The following PECAM1 variants were observed in gnomAD, a reference collection of about 807,000 sequenced individuals.
PECAM1 encodes platelet endothelial cell adhesion molecule.
PECAM1 carries 8 observed loss-of-function variants against 13.8 expected under a neutral mutation model. The observed-to-expected ratio is 0.58, with a 90% CI of 0.34 to 1.05. PECAM1 has a LOEUF of 1.05. PECAM1 is among the 50% of genes least tolerant of loss of function. PECAM1 has a pLI of 0.03. For missense variants in PECAM1, 304 were observed against 141.2 expected, an observed-to-expected ratio of 2.15 and a Z score of -5.84; for synonymous variants, 136 against 52.6, an observed-to-expected ratio of 2.58 and a Z score of -6.86.
chr17:64,338,850 C>A (rs974746448), intron 14 of PECAM1, among the ~76,000 whole-genome samples: 1 of 152,176 alleles, frequency 6.6e-6, no homozygotes, highest in Non-Finnish European at 1.5e-5. Context: ...TGAGCCACTG[C>A]GATCAGCCTA....
intron 15 of PECAM1, among the ~76,000 whole-genome samples, chr17:64,324,949 G>A (rs2034904877): frequency 6.6e-6 from 1 of 152,184 alleles, no homozygotes; most frequent in Non-Finnish European, 1.5e-5. Context: ...CCATTCTTTT[G>A]TTTCTTTACT....
chr17:64,325,540 A>G (rs551716229), intron 15 of PECAM1, among the ~76,000 whole-genome samples: 2 of 152,374 alleles, frequency 1.3e-5, no homozygotes, highest in South Asian at 4.1e-4. Flanking sequence ...GTTCCAGAAC[A>G]GCCTGGGCAA....
chr17:64,334,077 C>T lies in PECAM1; in HGVS notation c.2165-4355G>A, dbSNP rs990718008. On this transcript the variant is annotated intron_variant, in intron 14 of 15. Transcript: ENST00000563924. Reference sequence around the variant, plus strand: ...TGCCAGTGCTGTGTCCATCCCCTAACGTGGGGAGGCAGCTGAGTGGAAGGC... The same window carrying T: ...TGCCAGTGCTGTGTCCATCCCCTAATGTGGGGAGGCAGCTGAGTGGAAGGC... 2.5e-3 allele frequency among the ~76,000 whole-genome samples: 363 copies of T among 147,036 alleles called. 3 individuals carry two copies. The highest frequency in any genetic ancestry group is 4.3e-3 in the Non-Finnish European group (287 of 67,178).
intron 15 of PECAM1, 154 bp from the exon 16 acceptor site, chr17:64,323,999 T>A: frequency 1.2e-6 from 1 of 845,992 alleles, no homozygotes; most frequent in South Asian, 1.3e-5. Context: ...GTTCTCTCTG[T>A]GACTTCAGAG....
intron 6 of PECAM1, among the ~76,000 whole-genome samples, chr17:64,362,512 C>T (rs987222849): frequency 2.0e-5 from 3 of 152,000 alleles, no homozygotes; most frequent in Middle Eastern, 3.4e-3. Flanking sequence ...ATTATCCGGG[C>T]GTGGTTGCGG....
intron 5 of PECAM1, among the ~76,000 whole-genome samples, chr17:64,364,852 C>A (rs1223596971): frequency 4.0e-5 from 6 of 149,888 alleles, no homozygotes; most frequent in African/African-American, 1.5e-4. Flanking sequence ...ATGACAAACC[C>A]ACAGCCAATA....
intron 5 of PECAM1, among the ~76,000 whole-genome samples, chr17:64,365,189 G>A (rs2036075845): frequency 6.6e-6 from 1 of 150,782 alleles, no homozygotes; most frequent in Admixed American, 6.6e-5. Context: ...CAGACAAACA[G>A]AGAGCCAAAT....
intron 11 of PECAM1, among the ~76,000 whole-genome samples, chr17:64,351,452 CAG>C (rs1477963589): frequency 6.6e-6 from 1 of 152,218 alleles, no homozygotes; most frequent in South Asian, 2.1e-4. Context: ...TGGCTGGGCT[CAG>C]GGGCTCACAC....
Position 64,355,027 on chromosome 17 carries a change from T to C in PECAM1, c.1794A>G (p.Pro598=). The change falls in exon 9 of 16, where the codon CCA becomes CCG. Residue 598 remains proline, a synonymous_variant. Coordinates refer to ENST00000563924, the MANE Select transcript of PECAM1 (RefSeq NM_000442.5). ...KILTVRVILA[P]WKKGLIAVVI... The stretch of plus-strand genomic sequence containing the variant: ...CCACTGCAATAAGTCCTTTCTTCCA[T>C]GGGGCAAGAATGACTGAAAACAAAA... 2.1e-6 allele frequency: 1 copy of C among 475,372 alleles called. No individual in the cohort carries two copies. The allele number at this position is 475,372 out of a possible 1,614,324, so 29.4% of individuals were successfully genotyped here.
At chr17:64,349,626 C>G (rs2143769034) in intron 12 of PECAM1, among the ~76,000 whole-genome samples, 1 of 146,302 alleles carries the variant, frequency 6.8e-6, no homozygotes, top group East Asian at 2.1e-4. Flanking sequence ...GTGGCTCGCG[C>G]CTGTAATTCT....
chr17:64,336,656 G>GCACTTTGGGA (rs2035283448), intron 14 of PECAM1, among the ~76,000 whole-genome samples: 1 of 151,966 alleles, frequency 6.6e-6, no homozygotes, highest in Non-Finnish European at 1.5e-5. Flanking sequence ...AGGCCAAGGC[G>GCACTTTGGGA]GGCAGATCAC....
intron 14 of PECAM1, 40 bp downstream of exon 14, chr17:64,341,594 G>A (rs1188205769): frequency 1.4e-5 from 6 of 432,146 alleles, no homozygotes; most frequent in Non-Finnish European, 2.5e-5. Context: ...TGATTCTAGG[G>A]GGCATCCCCC....
chr17:64,321,355 C>T lies in PECAM1; in HGVS notation c.*2461G>A, dbSNP rs2034808108. On this transcript the variant is annotated 3_prime_UTR_variant, in exon 16 of 16. Coordinates refer to ENST00000563924, the MANE Select transcript of PECAM1 (RefSeq NM_000442.5). ...TGCCGAGGAAGGCTAAAGCCAGCGT[C>T]CTGGATTCAGACAGACCTTTTAGCC... 2 of 881,290 alleles carry T rather than the reference C, an allele frequency of 2.3e-6. No homozygotes were observed. Among genetic ancestry groups the T allele is most frequent in the Non-Finnish European group, 2.7e-6 (2 of 735,028 alleles). The allele number at this position is 881,290 out of a possible 1,614,324, so 54.6% of individuals were successfully genotyped here. A position where few individuals can be genotyped will look rare whatever the true frequency, so the allele number is the denominator to read the frequency against.
chr17:64,341,718 T>C (rs1410438576), intron 13 of PECAM1, 28 bp from the exon 14 acceptor site: 8 of 423,384 alleles, frequency 1.9e-5, no homozygotes, highest in Admixed American at 1.3e-4. Flanking sequence ...CATAAGTTAG[T>C]AGCTGCCTCT....
intron 3 of PECAM1, among the ~76,000 whole-genome samples, chr17:64,377,051 GAC>G (rs1320170869): frequency 2.0e-5 from 3 of 152,138 alleles, no homozygotes; most frequent in Non-Finnish European, 4.4e-5. Context: ...CTACCCACAT[GAC>G]ACTTTTAACC....
At chr17:64,381,693 A>G (rs1268073771) in intron 2 of PECAM1, among the ~76,000 whole-genome samples, 1 of 152,236 alleles carries the variant, frequency 6.6e-6, no homozygotes, top group East Asian at 1.9e-4. Context: ...GTGACGGTTT[A>G]AATTCAAGTC....
Position 64,359,998 on chromosome 17 carries a change from G to A in PECAM1, c.1492+142C>T, listed in dbSNP as rs1274309879. On this transcript the variant is annotated intron_variant, in intron 7 of 15. Coordinates refer to ENST00000563924, the MANE Select transcript of PECAM1 (RefSeq NM_000442.5). ...GAACTCCTGGCCTCAATGATTCACC[G>A]GCCTTGGCCTCCTAAAGTGCTGGGA... 40 of 466,618 alleles carry A rather than the reference G, an allele frequency of 8.6e-5. No individual in the cohort carries two copies. In the East Asian group the frequency reaches 9.8e-4, roughly 11 times the overall value. The allele number at this position is 466,618 out of a possible 1,614,324, so 28.9% of individuals were successfully genotyped here.
At chr17:64,327,661 T>C (rs565004137) in intron 15 of PECAM1, among the ~76,000 whole-genome samples, 1 of 152,370 alleles carries the variant, frequency 6.6e-6, no homozygotes, top group Admixed American at 6.5e-5. Context: ...CCATGCTATC[T>C]GTCTGCGTCG....
chr17:64,344,715 C>T (rs1275395725), intron 13 of PECAM1, among the ~76,000 whole-genome samples: 16 of 152,136 alleles, frequency 1.1e-4, no homozygotes, highest in African/African-American at 3.6e-4. Flanking sequence ...GGCTCTCCAC[C>T]CACAGGAAGG....
Sources: allele counts gnomAD v4.1 joint callset (sites outside exome capture counted in the v4.1 genomes callset), GRCh38; gene constraint gnomAD v4.1.1; transcripts MANE v1.5; gene names NCBI Gene and HGNC (gene_info 2026-07-23, HGNC 2026-07-21).